CNTN5: variants seen among roughly 807,000 people sequenced by gnomAD.
CNTN5 encodes the protein contactin-5.
A neutral mutation model predicts 129.1 loss-of-function variants in CNTN5; 77 were observed. That is an observed-to-expected ratio of 0.60 (90% CI 0.50 to 0.72). The LOEUF (loss-of-function observed/expected upper bound fraction) is 0.72. Ranked by LOEUF, CNTN5 falls within the 30% of genes least tolerant of loss-of-function variation. The probability of loss-of-function intolerance (pLI) is 0.00; values close to 1 mark genes in which losing one functional copy is unlikely to be tolerated. For missense variants in CNTN5, 1,478 were observed against 1,328.8 expected, an observed-to-expected ratio of 1.11 and a Z score of -1.75; for synonymous variants, 509 against 465.6, an observed-to-expected ratio of 1.09 and a Z score of -1.20.
rs145211236 is a variant in CNTN5, at chr11:99,086,550, G to C, written c.-210+65280G>C. Among the ~76,000 whole-genome samples, 1,229 of 152,248 alleles carry C rather than the reference G, an allele frequency of 8.1e-3. 16 individuals carry two copies. The highest frequency in any genetic ancestry group is 0.028 in the African/African-American group (1,170 of 41,536). On this transcript the variant is annotated intron_variant, in intron 1 of 24. Coordinates refer to ENST00000524871, the MANE Select transcript of CNTN5 (RefSeq NM_014361.4). ...CAATCAGATCGTGCGTGAGCTAACTGAAAGAGAACTCACTTATCAGCATGA... is the reference window on the plus strand; with the variant it reads ...CAATCAGATCGTGCGTGAGCTAACTCAAAGAGAACTCACTTATCAGCATGA...
intron 2 of CNTN5, among the ~76,000 whole-genome samples, chr11:99,403,107 C>A (rs957337507): frequency 4.0e-5 from 6 of 148,780 alleles, no homozygotes; most frequent in African/African-American, 1.5e-4. Flanking sequence ...CCCGGGTTCA[C>A]GCCATTCTCC....
intron 13 of CNTN5, among the ~76,000 whole-genome samples, chr11:100,109,518 A>C (rs1945573749): frequency 6.6e-6 from 1 of 152,348 alleles, no homozygotes; most frequent in South Asian, 2.1e-4. Flanking sequence ...ACTCCTGGCA[A>C]CTATCTCTTC....
At chr11:99,268,629 G>T (rs1156647841) in intron 1 of CNTN5, among the ~76,000 whole-genome samples, 1 of 151,858 alleles carries the variant, frequency 6.6e-6, no homozygotes, top group Non-Finnish European at 1.5e-5. Context: ...GTCTGGTATG[G>T]TAGTATACAT....
chr11:100,163,722 G>T (rs78103809), intron 13 of CNTN5, among the ~76,000 whole-genome samples: 1 of 151,606 alleles, frequency 6.6e-6, no homozygotes, highest in African/African-American at 2.4e-5. Flanking sequence ...CTCTTCTCCA[G>T]CCCACTGATT....
intron 15 of CNTN5, among the ~76,000 whole-genome samples, chr11:100,198,172 G>A (rs963917242): frequency 1.3e-5 from 2 of 151,844 alleles, no homozygotes; most frequent in Admixed American, 6.6e-5. Context: ...AAAATAAAAG[G>A]AAGGTTTGAA....
chr11:99,237,081 G>T (rs945259497), intron 1 of CNTN5, among the ~76,000 whole-genome samples: 1 of 151,340 alleles, frequency 6.6e-6, no homozygotes, highest in African/African-American at 2.4e-5. Flanking sequence ...TATTCTAAAT[G>T]ATTTCATGTT....
chr11:99,194,656 A>T (rs186575883), intron 1 of CNTN5, among the ~76,000 whole-genome samples: 15 of 152,040 alleles, frequency 9.9e-5, no homozygotes, highest in Admixed American at 9.2e-4. Flanking sequence ...CCCAGGCTGG[A>T]GTGCAGTGGC....
intron 3 of CNTN5, among the ~76,000 whole-genome samples, chr11:99,643,999 A>C (rs1951860625): frequency 6.7e-6 from 1 of 148,196 alleles, no homozygotes; most frequent in Non-Finnish European, 1.5e-5. Context: ...ATATGCACAC[A>C]TGATAATTTT....
intron 3 of CNTN5, among the ~76,000 whole-genome samples, chr11:99,652,568 G>C (rs1952198086): frequency 4.6e-5 from 7 of 151,982 alleles, no homozygotes; most frequent in Admixed American, 4.6e-4. Flanking sequence ...CAAGGCTGTA[G>C]TCACTATCCC....
At chr11:99,124,124 T>A (rs573027685) in intron 1 of CNTN5, among the ~76,000 whole-genome samples, 1 of 152,224 alleles carries the variant, frequency 6.6e-6, no homozygotes, top group South Asian at 2.1e-4. Flanking sequence ...TTATGCAATA[T>A]GGCCATTTTG....
At chr11:100,138,574 C>A (rs1418600764) in intron 13 of CNTN5, among the ~76,000 whole-genome samples, 4 of 152,006 alleles carry the variant, frequency 2.6e-5, no homozygotes, top group Non-Finnish European at 5.9e-5. Context: ...ATTTAAGAAA[C>A]AGCAAACAGA....
intron 2 of CNTN5, among the ~76,000 whole-genome samples, chr11:99,530,470 C>CA (rs34926563): frequency 0.26 from 38,843 of 151,976 alleles, 5,321 homozygotes; most frequent in Non-Finnish European, 0.31. Context: ...TTAGTCTAGG[C>CA]AATGTACAAG....
chr11:99,585,114 A>G (rs895608519), intron 3 of CNTN5, among the ~76,000 whole-genome samples: 4 of 152,230 alleles, frequency 2.6e-5, no homozygotes, highest in Non-Finnish European at 5.9e-5. Context: ...GTGTTACAAA[A>G]TCACACATGG....
intron 1 of CNTN5, among the ~76,000 whole-genome samples, chr11:99,075,317 T>C (rs758514663): frequency 1.1e-4 from 17 of 152,164 alleles, no homozygotes; most frequent in Non-Finnish European, 2.5e-4. Flanking sequence ...AAACAGGAAT[T>C]TTTAAAAGTA....
intron 1 of CNTN5, among the ~76,000 whole-genome samples, chr11:99,160,163 C>T (rs1860540741): frequency 6.6e-6 from 1 of 152,164 alleles, no homozygotes; most frequent in Non-Finnish European, 1.5e-5. Flanking sequence ...TCATAGAGGA[C>T]TTTGTAGTAC....
At chr11:99,382,844 ACTTTTT>A (rs1374790333) in intron 2 of CNTN5, among the ~76,000 whole-genome samples, 3 of 69,402 alleles carry the variant, frequency 4.3e-5, no homozygotes, top group Non-Finnish European at 7.1e-5. Context: ...TCTCTAAATA[ACTTTTT>A]TTTTTTTTTT....
chr11:100,045,032 C>T (rs1344774917), intron 9 of CNTN5, among the ~76,000 whole-genome samples: 1 of 152,060 alleles, frequency 6.6e-6, no homozygotes, highest in East Asian at 1.9e-4. Context: ...TTCTCTCCTA[C>T]TGCAAGAAGT....
At chr11:100,195,047 C>T (rs1370423899) in intron 15 of CNTN5, among the ~76,000 whole-genome samples, 1 of 150,170 alleles carries the variant, frequency 6.7e-6, no homozygotes, top group Non-Finnish European at 1.5e-5. Flanking sequence ...TTTTGCTCTG[C>T]TTTATGGTTT....
At chr11:100,172,535 G>C (rs774386754) in intron 13 of CNTN5, among the ~76,000 whole-genome samples, 41 of 151,864 alleles carry the variant, frequency 2.7e-4, no homozygotes, top group Non-Finnish European at 4.4e-4. Context: ...ATAATAACTA[G>C]GAATCTGGGA....
Sources: gnomAD v4.1 joint callset for allele counts (sites outside exome capture counted in the v4.1 genomes callset) on GRCh38, gnomAD v4.1.1 for gene constraint, MANE v1.5 for transcripts, NCBI Gene and HGNC (gene_info 2026-07-23, HGNC 2026-07-21) for gene names.